The following MAST2 variants were observed in gnomAD, a reference collection of about 807,000 sequenced individuals.
MAST2 encodes the protein microtubule-associated serine/threonine-protein kinase 2.
Under a neutral mutation model 147.4 loss-of-function variants are expected in MAST2, and 70 were observed. The observed-to-expected ratio is 0.47, with a 90% confidence interval of 0.39 to 0.58. The LOEUF is 0.58. MAST2 is among the 20% of genes least tolerant of loss of function. The pLI is 0.00. For missense variants in MAST2, 2,080 were observed against 2,302.3 expected (o/e 0.90, Z 1.98); for synonymous variants, 869 against 896.8 (o/e 0.97, Z 0.55).
intron 4 of MAST2, among the ~76,000 whole-genome samples, chr1:45,895,948 ATTG>A (rs1012584735): frequency 4.6e-5 from 7 of 152,178 alleles, no homozygotes; most frequent in African/African-American, 9.7e-5. Context: ...TTTTACCAAA[ATTG>A]TTATTTGTAA....
chr1:45,839,388 A>G (rs1453558466), intron 3 of MAST2, among the ~76,000 whole-genome samples: 2 of 152,030 alleles, frequency 1.3e-5, no homozygotes, highest in African/African-American at 4.8e-5. Flanking sequence ...TCAGCCTCCC[A>G]AAGTGCTGAG....
In MAST2 at chr1:45,997,885, G is replaced by A. The variant is rs989415200; in HGVS notation, c.668+86G>A. The A allele has an allele frequency of 3.6e-6, 4 of 1,097,402 alleles. No individual in the cohort carries two copies. In the East Asian group the frequency reaches 7.1e-5, roughly 19 times the overall value. 68.0% of individuals were successfully genotyped at this position (1,097,402 alleles called of 1,614,324 possible). Reference sequence around the variant, plus strand: ...TGAATGTCAGATTCCTCCTTTAAGTGTCACTACTCTTTCAAGTGTATTACC... The same window carrying A: ...TGAATGTCAGATTCCTCCTTTAAGTATCACTACTCTTTCAAGTGTATTACC... On this transcript the variant is annotated intron_variant, in intron 6 of 28. Transcript: ENST00000361297.
At chr1:45,940,141 C>T (rs1657023405) in intron 4 of MAST2, among the ~76,000 whole-genome samples, 1 of 151,450 alleles carries the variant, frequency 6.6e-6, no homozygotes, top group South Asian at 2.1e-4. Context: ...TATAGGTGCC[C>T]ACTGCCACGC....
Position 46,035,249 on chromosome 1 carries a change from C to T in MAST2, c.4580C>T (p.Pro1527Leu), listed in dbSNP as rs568353469. Residue 1527 changes from proline to leucine, a missense_variant, in exon 29 of 29, where the codon CCA becomes CTA. Pro to Leu is a moderately conservative substitution (Grantham distance 98). Coordinates refer to ENST00000361297, the MANE Select transcript of MAST2 (RefSeq NM_015112.3). The surrounding 1 kb of genome is among the most constrained non-coding windows in gnomAD (Gnocchi z 5.5). ...GAQELSLAPH[P>L]EVSQSVAPKG... ...CAGGAGCTGAGCTTGGCACCTCACCCAGAAGTGAGCCAGAGTGTGGCCCCT... is the reference window on the plus strand; with the variant it reads ...CAGGAGCTGAGCTTGGCACCTCACCTAGAAGTGAGCCAGAGTGTGGCCCCT... 20 of 1,613,870 alleles carry T rather than the reference C, an allele frequency of 1.2e-5. No homozygotes were observed. The East Asian group carries it at 4.0e-4, about 32-fold the overall frequency.
At chr1:45,877,354 G>C (rs1398276244) in intron 3 of MAST2, among the ~76,000 whole-genome samples, 1 of 152,098 alleles carries the variant, frequency 6.6e-6, no homozygotes, top group Non-Finnish European at 1.5e-5. Context: ...AATCTCCTGA[G>C]TAGCTGGGAC....
chr1:45,970,488 C>A (rs1165111814), intron 5 of MAST2, among the ~76,000 whole-genome samples: 1 of 151,764 alleles, frequency 6.6e-6, no homozygotes, highest in Non-Finnish European at 1.5e-5. Context: ...TATGGTGAAA[C>A]CCTGTCTCTA....
intron 3 of MAST2, among the ~76,000 whole-genome samples, chr1:45,861,853 C>T (rs1219399743): frequency 6.6e-6 from 1 of 152,188 alleles, no homozygotes; most frequent in Non-Finnish European, 1.5e-5. Context: ...CTCCTCCACT[C>T]CTGAAATTGT....
At chr1:45,931,638 C>T (rs1483443370) in intron 4 of MAST2, among the ~76,000 whole-genome samples, 6 of 151,820 alleles carry the variant, frequency 4.0e-5, no homozygotes, top group East Asian at 1.9e-4. Flanking sequence ...TACAGGCGCC[C>T]GCCACCACAC....
rs756088458 is a variant in MAST2 at position 46,029,847 on chromosome 1, G to A, written c.2337G>A (p.Val779=). Reference sequence around the variant, plus strand: ...TGTCCACAGGCAGTGCCTATGAGGTGAAGCAGCACCCATTCTTTACTGGTC... The same window carrying A: ...TGTCCACAGGCAGTGCCTATGAGGTAAAGCAGCACCCATTCTTTACTGGTC... ...ERLGTGSAYE[V]KQHPFFTGLD... Residue 779 remains valine, a synonymous_variant, in exon 20 of 29, where the codon GTG becomes GTA. Coordinates refer to ENST00000361297, the MANE Select transcript of MAST2 (RefSeq NM_015112.3). 5.0e-6 allele frequency: 8 copies of A among 1,614,040 alleles called. No individual in the cohort carries two copies. Among genetic ancestry groups the A allele is most frequent in the East Asian group, 4.5e-5 (2 of 44,898 alleles).
At chr1:45,888,782 A>G (rs1647225118) in intron 4 of MAST2, among the ~76,000 whole-genome samples, 1 of 143,740 alleles carries the variant, frequency 7.0e-6, no homozygotes, top group Non-Finnish European at 1.5e-5. Context: ...CCCAGGTTCA[A>G]GTGATTCTTC....
intron 5 of MAST2, among the ~76,000 whole-genome samples, chr1:45,963,837 G>A (rs1660785388): frequency 6.6e-6 from 1 of 152,154 alleles, no homozygotes; most frequent in African/African-American, 2.4e-5. Flanking sequence ...CCTGTCTTGT[G>A]TCAGTTTTCA....
intron 1 of MAST2, among the ~76,000 whole-genome samples, chr1:45,820,560 G>A (rs528508253): frequency 1.3e-5 from 2 of 152,150 alleles, no homozygotes. Context: ...TTTATTCATT[G>A]TGTGCTAAAT....
chr1:46,008,276 A>G lies in MAST2; in HGVS notation c.903-20A>G, dbSNP rs1232227686. 6.4e-7 allele frequency: 1 copy of G among 1,570,850 alleles called. No individual in the cohort carries two copies. The highest frequency in any genetic ancestry group is 8.8e-7 in the Non-Finnish European group (1 of 1,140,830). On this transcript the variant is annotated intron_variant, in intron 8 of 28. Transcript: ENST00000361297. Reference sequence around the variant, plus strand: ...AGTTCCATAGCACTAAAGTAACACAATCATTTCTTTCTTTTTTAGTCCCGG... The same window carrying G: ...AGTTCCATAGCACTAAAGTAACACAGTCATTTCTTTCTTTTTTAGTCCCGG...
Position 46,022,418 on chromosome 1 carries a change from A to T in MAST2, c.1423+336A>T, listed in dbSNP as rs578140324. Among the ~76,000 whole-genome samples, 14 of 152,276 alleles carry T rather than the reference A, an allele frequency of 9.2e-5. 1 individual carries two copies. The South Asian group carries it at 2.9e-3, about 32-fold the overall frequency. ...CTGCAACTTGCCTCTACTCTTGGCCACCTTACAGGTCTTCCTGTGTCTTTG... is the reference window on the plus strand; with the variant it reads ...CTGCAACTTGCCTCTACTCTTGGCCTCCTTACAGGTCTTCCTGTGTCTTTG... On this transcript the variant is annotated intron_variant, in intron 12 of 28. Transcript: ENST00000361297.
Position 45,911,852 on chromosome 1 carries a change from TATATTATTA to T in MAST2, c.500+29458_500+29466del, listed in dbSNP as rs1475161364. On this transcript the variant is annotated intron_variant, in intron 4 of 28. Coordinates refer to ENST00000361297, the MANE Select transcript of MAST2 (RefSeq NM_015112.3). ...GCTGTTATGTCATTATTATTATTGT[TATATTATTA>T]TTATTATTATTATTATTATTATTAT... Among the ~76,000 whole-genome samples, 566 of 129,536 alleles carry T rather than the reference TATATTATTA, an allele frequency of 4.4e-3. 3 individuals are homozygous for T. Among genetic ancestry groups the T allele is most frequent in the African/African-American group, 0.016 (544 of 32,980 alleles). The allele number at this position is 129,536 out of a possible 152,430, so 85.0% of individuals were successfully genotyped here. A position where few individuals can be genotyped will look rare whatever the true frequency, so the allele number is the denominator to read the frequency against.
At chr1:45,921,593 A>G (rs1653497999) in intron 4 of MAST2, among the ~76,000 whole-genome samples, 1 of 152,182 alleles carries the variant, frequency 6.6e-6, no homozygotes, top group Non-Finnish European at 1.5e-5. Context: ...AAGGGCTGGC[A>G]TGGGTGCTAG....
At position 46,034,781 on chromosome 1, in the gene MAST2, C is replaced by G; in HGVS notation, c.4112C>G (p.Ala1371Gly). 6.2e-7 allele frequency: 1 copy of G among 1,613,964 alleles called. No homozygotes were observed. The highest frequency in any genetic ancestry group is 1.1e-5 in the South Asian group (1 of 91,084). ...CCATCGCCCCTGTCTGGCCATGTAGCCCAGGCCTTTCCCACAAAGCTTCAC... is the reference window on the plus strand; with the variant it reads ...CCATCGCCCCTGTCTGGCCATGTAGGCCAGGCCTTTCCCACAAAGCTTCAC... ...RSPSPLSGHV[A>G]QAFPTKLHLS... Residue 1371 changes from alanine to glycine, a missense_variant, in exon 29 of 29, where the codon GCC becomes GGC. Coordinates refer to ENST00000361297, the MANE Select transcript of MAST2 (RefSeq NM_015112.3).
intron 4 of MAST2, among the ~76,000 whole-genome samples, chr1:45,889,690 C>A (rs150505871): frequency 0.023 from 3,539 of 151,870 alleles, 145 homozygotes; most frequent in African/African-American, 0.081. Context: ...ACTGCAACCT[C>A]CACCTCCTGG....
chr1:45,860,277 G>A (rs970492613), intron 3 of MAST2, among the ~76,000 whole-genome samples: 16 of 149,478 alleles, frequency 1.1e-4, no homozygotes, highest in African/African-American at 3.0e-4. Flanking sequence ...CCAGCTACTC[G>A]GGAGGCTGAG....
Sources: allele counts gnomAD v4.1 joint callset (sites outside exome capture counted in the v4.1 genomes callset), GRCh38; gene constraint gnomAD v4.1.1; non-coding constraint Gnocchi (gnomAD v3.1); transcripts MANE v1.5; gene names NCBI Gene and HGNC (gene_info 2026-07-23, HGNC 2026-07-21).